The following CCDC136 variants were observed in gnomAD, a reference collection of about 807,000 sequenced individuals.
CCDC136 encodes coiled-coil domain-containing protein 136.
A neutral mutation model predicts 141.2 loss-of-function variants in CCDC136; 100 were observed. That is an observed-to-expected ratio of 0.71 (90% confidence interval 0.60 to 0.84). The LOEUF is 0.84. Among genes scored for constraint, CCDC136 ranks in the 40% least tolerant of loss-of-function variants. The pLI is 0.00. For synonymous variants in CCDC136, 474 were observed against 531.9 expected, an observed-to-expected ratio of 0.89 and a Z score of 1.50; for missense variants, 1,206 against 1,379.4, an observed-to-expected ratio of 0.87 and a Z score of 1.99.
intron 12 of CCDC136, among the ~76,000 whole-genome samples, chr7:128,811,514 C>T (rs915726437): frequency 2.6e-5 from 4 of 152,142 alleles, no homozygotes; most frequent in East Asian, 3.8e-4. Flanking sequence ...GAAACCCACT[C>T]GGCACTGCTC....
chr7:128,796,743 T>TATATATATATATATATA (rs1282909541), intron 3 of CCDC136, among the ~76,000 whole-genome samples: 13 of 99,474 alleles, frequency 1.3e-4, no homozygotes, highest in African/African-American at 4.3e-4. Context: ...ATATATATTC[T>TATATATATATATATATA]TTTTTTTTTT....
upstream of CCDC136, chr7:128,791,438 G>C (rs1039895083): frequency 1.3e-5 from 16 of 1,258,306 alleles, no homozygotes; most frequent in African/African-American, 1.6e-5. This position sits in a 1 kb window ranked among gnomAD's most constrained non-coding sequence, Gnocchi z 7.1. Context: ...TCGGGTCCCC[G>C]GGCTCGCGGC....
Position 128,794,652 on chromosome 7 carries a change from C to A in CCDC136, c.272-42C>A. On this transcript the variant is annotated intron_variant, in intron 2 of 17. Coordinates refer to ENST00000297788, the MANE Select transcript of CCDC136 (RefSeq NM_022742.5). This position sits in a 1 kb window ranked among gnomAD's most constrained non-coding sequence, Gnocchi z 4.3. ...TGCCCGGGCCCAGAGGCTCTGCACT[C>A]CCCTGGATCCGAGCTTGACACTGGT... 1.3e-6 allele frequency: 2 copies of A among 1,541,784 alleles called. No homozygotes were observed. Among genetic ancestry groups the A allele is most frequent in the Non-Finnish European group, 1.8e-6 (2 of 1,141,850 alleles).
rs1487053402 is a variant in CCDC136, at chr7:128,796,743, T to A, written c.346+1975T>A. Among the ~76,000 whole-genome samples, 274 of 99,472 alleles carry A rather than the reference T, an allele frequency of 2.8e-3. 17 individuals are homozygous for A. Among genetic ancestry groups the A allele is most frequent in the African/African-American group, 9.1e-3 (211 of 23,222 alleles). 65.3% of individuals were successfully genotyped at this position (99,472 alleles called of 152,430 possible). A position where few individuals can be genotyped will look rare whatever the true frequency, so the allele number is the denominator to read the frequency against. On this transcript the variant is annotated intron_variant, in intron 3 of 17. Transcript: ENST00000297788. ...TCAGAATATATATATATATATATTC[T>A]TTTTTTTTTTTTTTTTGAGACGGAG...
chr7:128,804,553 C>CTAA (rs1804537641), intron 4 of CCDC136, 97 bp from the exon 5 acceptor site: 2 of 718,078 alleles, frequency 2.8e-6, no homozygotes, highest in South Asian at 3.1e-5. Context: ...AGCTCTTTAA[C>CTAA]CTTCTGCTCT....
chr7:128,791,534 G>A, upstream of CCDC136: 1 of 1,289,502 alleles, frequency 7.8e-7, no homozygotes. This position sits in a 1 kb window ranked among gnomAD's most constrained non-coding sequence, Gnocchi z 7.1. Flanking sequence ...GCCGCGGGCT[G>A]GAGCTGCCCG....
At chr7:128,796,227 GA>G (rs1218858916) in intron 3 of CCDC136, among the ~76,000 whole-genome samples, 2 of 152,148 alleles carry the variant, frequency 1.3e-5, no homozygotes, top group African/African-American at 4.8e-5. Flanking sequence ...TGGCAGTTAG[GA>G]AAGTCATCTT....
chr7:128,801,652 C>T (rs1203941963), intron 4 of CCDC136, 143 bp downstream of exon 4: 2 of 632,212 alleles, frequency 3.2e-6, no homozygotes, highest in East Asian at 5.6e-5. Flanking sequence ...TGTAGGGGTC[C>T]AGGCGTGATG....
intron 1 of CCDC136, among the ~76,000 whole-genome samples, chr7:128,792,629 C>G (rs1483618887): frequency 6.6e-6 from 1 of 151,846 alleles, no homozygotes; most frequent in Admixed American, 6.6e-5. Flanking sequence ...CCTTCGGGAC[C>G]CCAATCACCC....
At position 128,814,783 on chromosome 7, in the gene CCDC136, A is replaced by G. The variant is rs772152411; in HGVS notation, c.2909A>G (p.Lys970Arg). The G allele has an allele frequency of 2.5e-6, 4 of 1,613,232 alleles. No individual in the cohort carries two copies. The highest frequency in any genetic ancestry group is 2.7e-5 in the African/African-American group (2 of 74,942). ...GAGGAGCTCCGCCAGCTCAGGGAGA[A>G]GAGGCCTTCTGTTGTCAAAGAAGCC... is the stretch of plus-strand genomic sequence containing the variant. ...CQEELRQLREKRPSVVKEARG... is the reference protein window; with the variant it reads ...CQEELRQLRERRPSVVKEARG... The change falls in exon 15 of 18, where the codon AAG becomes AGG. Residue 970 changes from lysine to arginine, a missense_variant. Lys to Arg is a conservative substitution (Grantham distance 26). Transcript: ENST00000297788.
chr7:128,821,207 T>C lies in CCDC136; in HGVS notation c.*6-592T>C, dbSNP rs1437305906. ...ACATGCACCAGGAAGTCAGTCAACA[T>C]ACCTGGTGATTAGGAGTGTTCTAAT... On this transcript the variant is annotated intron_variant, in intron 17 of 17. Transcript: ENST00000297788. This position sits in a 1 kb window ranked among gnomAD's most constrained non-coding sequence, Gnocchi z 5.1. Among the ~76,000 whole-genome samples, 1 of 152,218 alleles carries C rather than the reference T, an allele frequency of 6.6e-6. No individual in the cohort carries two copies. Among genetic ancestry groups the C allele is most frequent in the Non-Finnish European group, 1.5e-5 (1 of 68,030 alleles).
intron 17 of CCDC136, among the ~76,000 whole-genome samples, chr7:128,820,617 G>A (rs58554865): frequency 0.014 from 2,134 of 152,244 alleles, 55 homozygotes; most frequent in African/African-American, 0.049. Context: ...TTTGGTTTTA[G>A]AGACAGGGTC....
chr7:128,809,496 A>G lies in CCDC136; in HGVS notation c.1652A>G (p.Lys551Arg). The change falls in exon 11 of 18, where the codon AAG becomes AGG. Residue 551 changes from lysine (K) to arginine (R), a missense_variant. Transcript: ENST00000297788. ...CTGACAGAATTGCAGGAAAAGTACA[A>G]GGCCAGCCAGAAGGAGATGGGGCAG... ...SRLTELQEKYKASQKEMGQLQ... is the reference protein window; with the variant it reads ...SRLTELQEKYRASQKEMGQLQ... The G allele has an allele frequency of 6.4e-7, 1 of 1,550,924 alleles. No homozygotes were observed. Among genetic ancestry groups the G allele is most frequent in the Non-Finnish European group, 8.7e-7 (1 of 1,147,502 alleles).
intron 8 of CCDC136, 97 bp from the exon 9 acceptor site, chr7:128,806,591 G>A: frequency 7.9e-7 from 1 of 1,267,992 alleles, no homozygotes; most frequent in Non-Finnish European, 1.1e-6. Flanking sequence ...GCAGGAAGAA[G>A]CAAATCTTAG....
Position 128,810,161 on chromosome 7 carries a change from TAGA to T in CCDC136, c.1827_1829del (p.Glu609del), listed in dbSNP as rs774088751. The T allele has an allele frequency of 4.4e-6, 7 of 1,596,924 alleles. No individual in the cohort carries two copies. In the South Asian group the frequency reaches 5.7e-5, roughly 13 times the overall value. On this transcript the variant is annotated inframe_deletion, in exon 12 of 18. Coordinates refer to ENST00000297788, the MANE Select transcript of CCDC136 (RefSeq NM_022742.5). ...CAGAGTCAGGAGCTACTCACCAAGT[TAGA>T]AGACCTGTGTGAGCTGCAGCTGCTC...
At chr7:128,792,526 C>T in intron 1 of CCDC136, 99 bp downstream of exon 1, 1 of 871,188 alleles carries the variant, frequency 1.1e-6, no homozygotes, top group South Asian at 1.7e-5. Context: ...CAGGACACAG[C>T]CCTTCCCTCA....
intron 17 of CCDC136, among the ~76,000 whole-genome samples, chr7:128,820,657 G>A (rs1807321438): frequency 6.6e-6 from 1 of 152,254 alleles, no homozygotes; most frequent in Non-Finnish European, 1.5e-5. Flanking sequence ...AGAGTGCAGC[G>A]GCATGATCAT....
In CCDC136 at chr7:128,821,166, C is replaced by A. The variant is rs1807388840; in HGVS notation, c.*6-633C>A. Among the ~76,000 whole-genome samples, 1 of 152,160 alleles carries A rather than the reference C, an allele frequency of 6.6e-6. No homozygotes were observed. The highest frequency in any genetic ancestry group is 2.1e-4 in the South Asian group (1 of 4,826). ...CTAGTGGCCGGCAGTGTCTGGAAGC[C>A]TCAGCATACTCTAGCACATGCACCA... On this transcript the variant is annotated intron_variant, in intron 17 of 17. Coordinates refer to ENST00000297788, the MANE Select transcript of CCDC136 (RefSeq NM_022742.5). This position sits in a 1 kb window ranked among gnomAD's most constrained non-coding sequence, Gnocchi z 5.1.
In CCDC136 at chr7:128,812,168, C is replaced by T. The variant is rs1585110789; in HGVS notation, c.2397C>T (p.Ala799=). Residue 799 remains alanine (A), a synonymous_variant, in exon 13 of 18, where the codon GCC becomes GCT. Coordinates refer to ENST00000297788, the MANE Select transcript of CCDC136 (RefSeq NM_022742.5). ...ACAGCAGCACCAGTGCCAGTGAGGC[C>T]TATGGGAAGAGTTACTGCACTACCA... is the stretch of plus-strand genomic sequence containing the variant. The part of the protein sequence containing the change: ...SYDSSTSASE[A]YGKSYCTTSN... 1 of 1,614,006 alleles carries T rather than the reference C, an allele frequency of 6.2e-7. No individual in the cohort carries two copies. The highest frequency in any genetic ancestry group is 2.2e-5 in the East Asian group (1 of 44,884).
Sources: allele counts gnomAD v4.1 joint callset (sites outside exome capture counted in the v4.1 genomes callset), GRCh38; gene constraint gnomAD v4.1.1; non-coding constraint Gnocchi (gnomAD v3.1); transcripts MANE v1.5; gene names NCBI Gene and HGNC (gene_info 2026-07-23, HGNC 2026-07-21).